CCDC7: variants seen among roughly 807,000 people sequenced by gnomAD.
The protein encoded by CCDC7 is coiled-coil domain-containing protein 7.
A neutral mutation model predicts 196.9 loss-of-function variants in CCDC7; 183 were observed. The observed-to-expected ratio is 0.93, with a 90% CI of 0.82 to 1.05. The LOEUF (loss-of-function observed/expected upper bound fraction) is 1.05. Among genes scored for constraint, CCDC7 ranks in the 50% least tolerant of loss-of-function variants. The probability of loss-of-function intolerance (pLI) is 0.00; values close to 1 mark genes in which losing one functional copy is unlikely to be tolerated. For synonymous variants in CCDC7, 525 were observed against 484.6 expected (o/e 1.08, Z -1.10); for missense variants, 1,540 against 1,482.2 (o/e 1.04, Z -0.64).
At chr10:32,831,737 G>C (rs961303083) in intron 32 of CCDC7, among the ~76,000 whole-genome samples, 1 of 152,146 alleles carries the variant, frequency 6.6e-6, no homozygotes, top group Non-Finnish European at 1.5e-5. Flanking sequence ...TTCAGGGAAA[G>C]TAACACACGT....
rs202064674 is a variant in CCDC7 at position 32,556,724 on chromosome 10, TAAAA to T, written c.1135-8831_1135-8828del. Among the ~76,000 whole-genome samples, 26 of 152,342 alleles carry T rather than the reference TAAAA, an allele frequency of 1.7e-4. No individual in the cohort carries two copies. The East Asian group carries it at 4.8e-3, about 28-fold the overall frequency. On this transcript the variant is annotated intron_variant, in intron 13 of 41. Coordinates refer to ENST00000639629, the Ensembl canonical transcript of CCDC7. ...TTCACTTCCTCTTGAACTTTTAAGT[TAAAA>T]AAGTCATGTTTGCTTTCTTTAAAAA...
At chr10:32,727,283 T>C (rs980969516) in intron 26 of CCDC7, among the ~76,000 whole-genome samples, 5 of 152,136 alleles carry the variant, frequency 3.3e-5, no homozygotes, top group Admixed American at 1.3e-4. Context: ...CCTGAAGGCT[T>C]GTTGGTTAGC....
chr10:32,463,952 T>C (rs896974225), intron 5 of CCDC7, among the ~76,000 whole-genome samples: 1 of 152,242 alleles, frequency 6.6e-6, no homozygotes, highest in Non-Finnish European at 1.5e-5. Context: ...TGAAGTCTAC[T>C]ATTCCTCTAC....
chr10:32,632,415 G>T (rs2065005569), intron 18 of CCDC7, among the ~76,000 whole-genome samples: 2 of 151,436 alleles, frequency 1.3e-5, no homozygotes, highest in Admixed American at 1.3e-4. Context: ...AACCAAGCCA[G>T]CATGGGATTG....
chr10:32,472,753 G>A (rs1253283527), intron 7 of CCDC7, among the ~76,000 whole-genome samples: 1 of 151,930 alleles, frequency 6.6e-6, no homozygotes, highest in Non-Finnish European at 1.5e-5. Context: ...AGGCCACTGA[G>A]GCCAGCTGAT....
At chr10:32,819,018 A>G (rs1446537185) in intron 31 of CCDC7, among the ~76,000 whole-genome samples, 2 of 152,212 alleles carry the variant, frequency 1.3e-5, no homozygotes, top group African/African-American at 4.8e-5. Context: ...AAATCAATGA[A>G]TCCAGGAGCT....
intron 18 of CCDC7, among the ~76,000 whole-genome samples, chr10:32,609,361 A>G (rs1193783632): frequency 1.3e-5 from 2 of 152,056 alleles, no homozygotes; most frequent in Non-Finnish European, 2.9e-5. Flanking sequence ...TTATGTAATG[A>G]TCTTCTTTGT....
chr10:32,793,279 A>C (rs939597976), intron 29 of CCDC7, among the ~76,000 whole-genome samples: 2 of 152,204 alleles, frequency 1.3e-5, no homozygotes, highest in Non-Finnish European at 2.9e-5. Context: ...CTTCAAGAAT[A>C]AAATTTTGAG....
At chr10:32,699,701 C>T (rs966928898) in intron 24 of CCDC7, among the ~76,000 whole-genome samples, 11 of 149,414 alleles carry the variant, frequency 7.4e-5, no homozygotes, top group Admixed American at 3.3e-4. Flanking sequence ...TTCTATACAT[C>T]CTCTCCAGCA....
intron 33 of CCDC7, among the ~76,000 whole-genome samples, chr10:32,842,287 T>C (rs930296666): frequency 1.3e-5 from 2 of 151,366 alleles, no homozygotes; most frequent in African/African-American, 4.8e-5. Flanking sequence ...GCTAAGGACA[T>C]GAATAGACAA....
At chr10:32,721,164 C>A (rs1400120076) in intron 25 of CCDC7, among the ~76,000 whole-genome samples, 1 of 152,062 alleles carries the variant, frequency 6.6e-6, no homozygotes, top group Non-Finnish European at 1.5e-5. Flanking sequence ...TAAAAAATAG[C>A]CCAGAATTGG....
chr10:32,690,192 G>A (rs977285041), intron 23 of CCDC7, among the ~76,000 whole-genome samples: 1 of 152,146 alleles, frequency 6.6e-6, no homozygotes, highest in Non-Finnish European at 1.5e-5. Context: ...AGCCACTGGT[G>A]AGTCATTAGA....
intron 29 of CCDC7, among the ~76,000 whole-genome samples, chr10:32,785,361 T>G (rs375098201): frequency 6.6e-6 from 1 of 152,234 alleles, no homozygotes; most frequent in African/African-American, 2.4e-5. Context: ...TTTAAAATCC[T>G]ATTTATAAGC....
chr10:32,619,619 G>C (rs888068772), intron 18 of CCDC7, among the ~76,000 whole-genome samples: 2 of 152,056 alleles, frequency 1.3e-5, no homozygotes, highest in African/African-American at 4.8e-5. Context: ...AATTAAAGCA[G>C]TGTGGTATTG....
chr10:32,454,459 A>G (rs1024829473), intron 2 of CCDC7, among the ~76,000 whole-genome samples: 5 of 152,178 alleles, frequency 3.3e-5, no homozygotes, highest in Admixed American at 1.3e-4. Flanking sequence ...AAAACTAGCT[A>G]TCGGGTACTG....
rs747976803 is a variant in CCDC7 at position 32,517,925 on chromosome 10, T to C, written c.873-20T>C. 5.7e-6 allele frequency: 9 copies of C among 1,588,620 alleles called. No individual in the cohort carries two copies. Among genetic ancestry groups the C allele is most frequent in the South Asian group, 4.6e-5 (4 of 86,724 alleles). On this transcript the variant is annotated intron_variant, in intron 9 of 41. Transcript: ENST00000639629. The stretch of plus-strand genomic sequence containing the variant: ...ATAAATGTACAATTATAAACACACT[T>C]TTTTTGGTTTATTTTTCAGAGCTGT...
chr10:32,717,877 C>T (rs56104437), intron 25 of CCDC7, among the ~76,000 whole-genome samples: 12,612 of 135,360 alleles, frequency 0.093, 842 homozygotes, highest in South Asian at 0.27. Context: ...GAAATTGAAG[C>T]AGTAATTAAT....
chr10:32,765,040 A>G (rs1251764223), intron 28 of CCDC7, among the ~76,000 whole-genome samples: 1 of 152,016 alleles, frequency 6.6e-6, no homozygotes, highest in Non-Finnish European at 1.5e-5. Context: ...GTTCTAGATC[A>G]AGTGGACAAA....
chr10:32,795,779 C>G (rs573180995), intron 29 of CCDC7, among the ~76,000 whole-genome samples: 1 of 152,176 alleles, frequency 6.6e-6, no homozygotes, highest in Admixed American at 6.5e-5. Context: ...CTAGGTGGAG[C>G]CTTAAACCCA....
Sources: allele counts gnomAD v4.1 joint callset (sites outside exome capture counted in the v4.1 genomes callset), GRCh38; gene constraint gnomAD v4.1.1; transcripts MANE v1.5; gene names NCBI Gene and HGNC (gene_info 2026-07-23, HGNC 2026-07-21).